The following MAD1L1 variants were observed in gnomAD, a reference collection of about 807,000 sequenced individuals.
MAD1L1 encodes the protein mitotic arrest deficient 1 like 1.
Under a neutral mutation model 96.9 loss-of-function variants are expected in MAD1L1, and 95 were observed. That is an observed-to-expected ratio of 0.98 (90% CI 0.83 to 1.16). The LOEUF (loss-of-function observed/expected upper bound fraction) is 1.16. Among genes scored for constraint, MAD1L1 ranks in the 50% most tolerant of loss-of-function variants. The pLI is 0.00. For synonymous variants in MAD1L1, 473 were observed against 396.6 expected, an observed-to-expected ratio of 1.19 and a Z score of -2.29; for missense variants, 1,007 against 954.4, an observed-to-expected ratio of 1.06 and a Z score of -0.73.
At chr7:1,928,321 C>T (rs910715055) in intron 17 of MAD1L1, among the ~76,000 whole-genome samples, 5 of 151,668 alleles carry the variant, frequency 3.3e-5, no homozygotes, top group Non-Finnish European at 7.4e-5. Context: ...GACGACCCGC[C>T]GGTCCCTAGA....
intron 11 of MAD1L1, among the ~76,000 whole-genome samples, chr7:2,071,621 C>A (rs1314977650): frequency 6.6e-6 from 1 of 152,138 alleles, no homozygotes; most frequent in African/African-American, 2.4e-5. Flanking sequence ...TTCAGCCCCA[C>A]CCCTAAGCTG....
chr7:2,065,368 C>T (rs561887287), intron 12 of MAD1L1, among the ~76,000 whole-genome samples: 29 of 152,312 alleles, frequency 1.9e-4, no homozygotes, highest in African/African-American at 5.8e-4. Context: ...AAAGCTCATC[C>T]GCTCCCAATC....
At chr7:2,097,984 C>T (rs1786580640) in intron 11 of MAD1L1, among the ~76,000 whole-genome samples, 1 of 152,196 alleles carries the variant, frequency 6.6e-6, no homozygotes, top group Admixed American at 6.5e-5. Context: ...CGCGGTGTCG[C>T]ACTGGATCAA....
intron 16 of MAD1L1, among the ~76,000 whole-genome samples, chr7:1,946,966 G>A (rs1055424031): frequency 3.3e-5 from 5 of 152,220 alleles, no homozygotes; most frequent in African/African-American, 1.2e-4. Flanking sequence ...GCTGGGTGGG[G>A]GCTGGCGTTG....
chr7:1,887,751 G>A (rs912765123), intron 18 of MAD1L1, among the ~76,000 whole-genome samples: 1 of 149,292 alleles, frequency 6.7e-6, no homozygotes, highest in Non-Finnish European at 1.5e-5. Flanking sequence ...CTGTGCATGT[G>A]TCCATGTGTG....
intron 15 of MAD1L1, among the ~76,000 whole-genome samples, chr7:1,974,618 A>C (rs73047989): frequency 0.034 from 5,185 of 152,368 alleles, 190 homozygotes; most frequent in Admixed American, 0.098. Flanking sequence ...AAAAATAAGG[A>C]AAATAGGATC....
chr7:1,902,852 C>A (rs777855631), intron 17 of MAD1L1, among the ~76,000 whole-genome samples: 1 of 149,290 alleles, frequency 6.7e-6, no homozygotes, highest in South Asian at 2.1e-4. Context: ...ATGGAAGACG[C>A]TCTTGCGGAA....
At chr7:2,192,200 G>A (rs537970803) in intron 10 of MAD1L1, among the ~76,000 whole-genome samples, 4 of 150,922 alleles carry the variant, frequency 2.7e-5, no homozygotes, top group South Asian at 4.2e-4. Context: ...GCATGATCTC[G>A]GCTCACTGCA....
At chr7:1,903,237 C>T (rs149744508) in intron 17 of MAD1L1, among the ~76,000 whole-genome samples, 13 of 150,620 alleles carry the variant, frequency 8.6e-5, no homozygotes, top group Non-Finnish European at 1.6e-4. Context: ...CTGTTCCAGG[C>T]AGTGAGGACG....
chr7:2,192,639 A>T (rs1328264647), intron 10 of MAD1L1, among the ~76,000 whole-genome samples: 1 of 152,192 alleles, frequency 6.6e-6, no homozygotes, highest in African/African-American at 2.4e-5. Context: ...CACAGAGTAA[A>T]GTTTTTTAAA....
intron 15 of MAD1L1, among the ~76,000 whole-genome samples, chr7:1,961,412 A>G (rs951955910): frequency 6.6e-6 from 1 of 152,264 alleles, no homozygotes; most frequent in African/African-American, 2.4e-5. Context: ...CAAACAAAAC[A>G]GAGTCCAGAA....
intron 17 of MAD1L1, among the ~76,000 whole-genome samples, chr7:1,928,445 G>A (rs1438685321): frequency 2.6e-5 from 4 of 151,242 alleles, no homozygotes; most frequent in African/African-American, 4.9e-5. Flanking sequence ...ACGACCCACC[G>A]GTCCCTAGAG....
intron 10 of MAD1L1, among the ~76,000 whole-genome samples, chr7:2,210,229 A>G (rs891184950): frequency 2.0e-5 from 3 of 152,052 alleles, no homozygotes; most frequent in South Asian, 4.1e-4. Context: ...CACACCACTG[A>G]GCACCGCTAA....
chr7:1,835,342 C>T (rs1782891510), intron 18 of MAD1L1, among the ~76,000 whole-genome samples: 1 of 152,294 alleles, frequency 6.6e-6, no homozygotes, highest in South Asian at 2.1e-4. Context: ...CAAGGAACTT[C>T]ACAAGCATCC....
intron 11 of MAD1L1, among the ~76,000 whole-genome samples, chr7:2,133,843 G>T (rs984697937): frequency 6.6e-6 from 1 of 152,188 alleles, no homozygotes; most frequent in African/African-American, 2.4e-5. Flanking sequence ...GATCAGCCGA[G>T]TATATCTGTG....
chr7:1,985,556 G>A (rs1351673592), intron 14 of MAD1L1, among the ~76,000 whole-genome samples: 3 of 152,248 alleles, frequency 2.0e-5, no homozygotes, highest in African/African-American at 4.8e-5. Flanking sequence ...ACCTTTAGAT[G>A]GTGTGTCTGT....
chr7:1,821,201 G>A (rs1225819718), intron 18 of MAD1L1, among the ~76,000 whole-genome samples: 3 of 151,934 alleles, frequency 2.0e-5, no homozygotes, highest in Admixed American at 2.0e-4. Flanking sequence ...AAAACTTGAT[G>A]CTCATAACAA....
At chr7:1,990,540 G>A (rs952769212) in intron 14 of MAD1L1, among the ~76,000 whole-genome samples, 1 of 152,252 alleles carries the variant, frequency 6.6e-6, no homozygotes, top group Non-Finnish European at 1.5e-5. Flanking sequence ...CGCCTGAGCT[G>A]GGAAATGCTT....
intron 10 of MAD1L1, among the ~76,000 whole-genome samples, chr7:2,176,831 T>C (rs1351790231): frequency 3.9e-5 from 6 of 152,226 alleles, no homozygotes; most frequent in Non-Finnish European, 8.8e-5. Context: ...AAAATTCTAC[T>C]CAAATTATCA....
Sources: allele counts gnomAD v4.1 joint callset (sites outside exome capture counted in the v4.1 genomes callset), GRCh38; gene constraint gnomAD v4.1.1; transcripts MANE v1.5; gene names NCBI Gene and HGNC (gene_info 2026-07-23, HGNC 2026-07-21).